PLXDC2: variants seen among roughly 807,000 people sequenced by gnomAD.
The protein encoded by PLXDC2 is plexin domain containing 2, also known as plexin domain-containing protein 2.
In PLXDC2, 40 loss-of-function variants were observed where a neutral mutation model predicts 68.9. That is an observed-to-expected ratio of 0.58 (90% CI 0.45 to 0.76). The LOEUF is 0.76. PLXDC2 is among the 30% of genes least tolerant of loss of function. PLXDC2 has a pLI of 0.00. For missense variants in PLXDC2, 644 were observed against 661.9 expected (o/e 0.97, Z 0.30); for synonymous variants, 243 against 234.2 (o/e 1.04, Z -0.34).
chr10:19,925,859 T>C (rs1365157464), intron 1 of PLXDC2, among the ~76,000 whole-genome samples: 1 of 152,190 alleles, frequency 6.6e-6, no homozygotes, highest in Non-Finnish European at 1.5e-5. Context: ...CACACAGTAA[T>C]CTGAGAATGC....
At chr10:20,035,188 A>G (rs1482052512) in intron 2 of PLXDC2, among the ~76,000 whole-genome samples, 2 of 152,102 alleles carry the variant, frequency 1.3e-5, no homozygotes, top group Non-Finnish European at 2.9e-5. Flanking sequence ...CAGAGGGGTA[A>G]TGTAGTATTA....
At chr10:20,212,414 C>G (rs1295310477) in intron 10 of PLXDC2, among the ~76,000 whole-genome samples, 1 of 151,934 alleles carries the variant, frequency 6.6e-6, no homozygotes, top group African/African-American at 2.4e-5. Context: ...AATTGGATAC[C>G]AGAAACAATT....
intron 1 of PLXDC2, among the ~76,000 whole-genome samples, chr10:19,920,541 TG>T (rs1267433157): frequency 6.6e-6 from 1 of 152,184 alleles, no homozygotes; most frequent in Non-Finnish European, 1.5e-5. Flanking sequence ...AGGGGGAGTT[TG>T]GCTGGGGCAG....
intron 4 of PLXDC2, among the ~76,000 whole-genome samples, chr10:20,096,478 A>G (rs1833351393): frequency 6.6e-6 from 1 of 152,070 alleles, no homozygotes; most frequent in South Asian, 2.1e-4. Flanking sequence ...GTAAGGGAAG[A>G]AAATTATGAG....
intron 4 of PLXDC2, among the ~76,000 whole-genome samples, chr10:20,074,543 G>T (rs1369147548): frequency 6.6e-6 from 1 of 151,948 alleles, no homozygotes; most frequent in African/African-American, 2.4e-5. Context: ...CACTAAGAGA[G>T]ATTTTTTAAA....
chr10:20,244,518 C>G (rs1237649110), intron 12 of PLXDC2, among the ~76,000 whole-genome samples: 1 of 152,212 alleles, frequency 6.6e-6, no homozygotes, highest in Non-Finnish European at 1.5e-5. Flanking sequence ...AAGCATCCAT[C>G]TGTTACACTT....
chr10:19,920,561 G>C (rs1297207168), intron 1 of PLXDC2, among the ~76,000 whole-genome samples: 1 of 152,210 alleles, frequency 6.6e-6, no homozygotes, highest in Non-Finnish European at 1.5e-5. Flanking sequence ...AGTCAGAGGA[G>C]AGGCCAGGCC....
chr10:19,877,563 T>G (rs1251526950), intron 1 of PLXDC2, among the ~76,000 whole-genome samples: 1 of 152,200 alleles, frequency 6.6e-6, no homozygotes, highest in South Asian at 2.1e-4. Flanking sequence ...AAGTAAAAGA[T>G]TGCTTCCTTT....
intron 1 of PLXDC2, among the ~76,000 whole-genome samples, chr10:19,905,249 A>G (rs774477431): frequency 7.9e-5 from 12 of 152,236 alleles, no homozygotes; most frequent in Non-Finnish European, 1.3e-4. Flanking sequence ...TGGCATAGCC[A>G]TAGCCATGAA....
chr10:19,841,834 G>A (rs1472226136), intron 1 of PLXDC2, among the ~76,000 whole-genome samples: 1 of 152,042 alleles, frequency 6.6e-6, no homozygotes, highest in Non-Finnish European at 1.5e-5. Context: ...TTTCATTTCT[G>A]TTTGTATTTT....
At chr10:20,001,226 C>T (rs911306656) in intron 1 of PLXDC2, among the ~76,000 whole-genome samples, 1 of 152,200 alleles carries the variant, frequency 6.6e-6, no homozygotes, top group African/African-American at 2.4e-5. Context: ...TGAAGACTGG[C>T]TTGTAAGCTA....
chr10:20,256,140 A>G (rs766914041), intron 13 of PLXDC2, among the ~76,000 whole-genome samples: 20 of 150,996 alleles, frequency 1.3e-4, no homozygotes, highest in South Asian at 4.2e-4. Context: ...TTATTTATTT[A>G]TTTATTTTTT....
intron 4 of PLXDC2, among the ~76,000 whole-genome samples, chr10:20,093,554 A>T (rs1833308787): frequency 6.6e-6 from 1 of 152,134 alleles, no homozygotes; most frequent in African/African-American, 2.4e-5. Flanking sequence ...AGGAGAGTTT[A>T]TTGTTCAGTT....
At chr10:20,277,123 C>T (rs1309583736) in intron 13 of PLXDC2, among the ~76,000 whole-genome samples, 1 of 141,120 alleles carries the variant, frequency 7.1e-6, no homozygotes, top group African/African-American at 2.7e-5. Flanking sequence ...GCAAGAGAAT[C>T]GCTTGAACCC....
intron 1 of PLXDC2, among the ~76,000 whole-genome samples, chr10:19,912,849 A>T (rs1261458170): frequency 1.3e-5 from 2 of 152,152 alleles, no homozygotes; most frequent in Non-Finnish European, 2.9e-5. Flanking sequence ...TCATCCAAAG[A>T]TCTCATTATA....
intron 1 of PLXDC2, among the ~76,000 whole-genome samples, chr10:19,837,350 A>AAT (rs1408266299): frequency 1.3e-5 from 2 of 151,642 alleles, no homozygotes; most frequent in African/African-American, 4.9e-5. Flanking sequence ...TTCTCTTAGT[A>AAT]ATTGCAACAT....
intron 4 of PLXDC2, among the ~76,000 whole-genome samples, chr10:20,140,610 G>T (rs1833992503): frequency 6.6e-6 from 1 of 151,832 alleles, no homozygotes; most frequent in South Asian, 2.1e-4. Context: ...AGCTTGTAAG[G>T]TTTCTCTCCA....
intron 4 of PLXDC2, among the ~76,000 whole-genome samples, chr10:20,087,067 A>G (rs746785265): frequency 3.3e-5 from 5 of 152,376 alleles, no homozygotes; most frequent in Admixed American, 2.6e-4. Flanking sequence ...ATAAAAAACA[A>G]TGTCAAAAAG....
intron 12 of PLXDC2, among the ~76,000 whole-genome samples, chr10:20,226,695 A>G (rs1361713159): frequency 6.6e-6 from 1 of 152,202 alleles, no homozygotes; most frequent in Non-Finnish European, 1.5e-5. Context: ...ACGAGATGAT[A>G]TAGCAGAGTG....
Sources: gnomAD v4.1 joint callset for allele counts (sites outside exome capture counted in the v4.1 genomes callset) on GRCh38, gnomAD v4.1.1 for gene constraint, MANE v1.5 for transcripts, NCBI Gene and HGNC (gene_info 2026-07-23, HGNC 2026-07-21) for gene names.